The following EYA4 variants were observed in gnomAD, a reference collection of about 807,000 sequenced individuals.
The protein encoded by EYA4 is EYA transcriptional coactivator and phosphatase 4.
A neutral mutation model predicts 87.9 loss-of-function variants in EYA4; 31 were observed. The observed-to-expected ratio is 0.35, with a 90% CI of 0.27 to 0.48. The LOEUF (loss-of-function observed/expected upper bound fraction) is 0.48. EYA4 is among the 20% of genes least tolerant of loss of function. The pLI is 0.99. For synonymous variants in EYA4, 263 were observed against 270.6 expected (o/e 0.97, Z 0.28); for missense variants, 678 against 761.4 (o/e 0.89, Z 1.29).
intron 13 of EYA4, among the ~76,000 whole-genome samples, chr6:133,495,349 G>A (rs1002318194): frequency 1.4e-5 from 2 of 139,942 alleles, no homozygotes; most frequent in South Asian, 4.4e-4. Flanking sequence ...ATACTACAGA[G>A]ATATATTTAT....
Position 133,383,517 on chromosome 6 carries a change from C to CAAAAAAAAAAAA in EYA4, c.83+1093_83+1104dup, listed in dbSNP as rs768724484. Among the ~76,000 whole-genome samples the CAAAAAAAAAAAA allele has an allele frequency of 2.3e-3, 102 of 45,236 alleles. 12 individuals carry two copies. The highest frequency in any genetic ancestry group is 3.5e-3 in the African/African-American group (39 of 11,208). 29.7% of individuals were successfully genotyped at this position (45,236 alleles called of 152,430 possible). A position where few individuals can be genotyped will look rare whatever the true frequency, so the allele number is the denominator to read the frequency against. Reference sequence around the variant, plus strand: ...TGGGCGACAGAGCGAGACTCCATCTCAAAAAAAAAAAAAAAAAAAAAAAAA... The same window carrying CAAAAAAAAAAAA: ...TGGGCGACAGAGCGAGACTCCATCTCAAAAAAAAAAAAAAAAAAAAAAAAAAAAAAAAAAAAA... On this transcript the variant is annotated intron_variant, in intron 3 of 19. Transcript: ENST00000355286.
At chr6:133,522,688 A>G (rs1414135322) in intron 17 of EYA4, among the ~76,000 whole-genome samples, 1 of 152,240 alleles carries the variant, frequency 6.6e-6, no homozygotes, top group African/African-American at 2.4e-5. Context: ...AATATCACAC[A>G]GTGCAAGTCA....
At chr6:133,385,440 T>TGTGTGTGTGTGA (rs1198712820) in intron 3 of EYA4, among the ~76,000 whole-genome samples, 3 of 103,968 alleles carry the variant, frequency 2.9e-5, no homozygotes, top group African/African-American at 6.9e-5. Flanking sequence ...TGTGTGTGTG[T>TGTGTGTGTGTGA]GAGAGAGAGA....
intron 3 of EYA4, among the ~76,000 whole-genome samples, chr6:133,405,794 G>A (rs1339529915): frequency 4.6e-5 from 7 of 152,104 alleles, no homozygotes; most frequent in Non-Finnish European, 1.0e-4. Context: ...ATGGGGGGAA[G>A]GGGGTGACAA....
chr6:133,292,393 G>A (rs1388176176), intron 2 of EYA4, among the ~76,000 whole-genome samples: 2 of 152,016 alleles, frequency 1.3e-5, no homozygotes, highest in Non-Finnish European at 2.9e-5. Context: ...TTTTATTCTT[G>A]CATAATTGTT....
intron 17 of EYA4, among the ~76,000 whole-genome samples, chr6:133,516,634 G>T (rs758079276): frequency 6.6e-6 from 1 of 151,446 alleles, no homozygotes; most frequent in Non-Finnish European, 1.5e-5. Context: ...TGAGGCAGGA[G>T]AGTTGCTTGA....
chr6:133,387,224 A>T (rs1381420333), intron 3 of EYA4, among the ~76,000 whole-genome samples: 2 of 152,200 alleles, frequency 1.3e-5, no homozygotes. Flanking sequence ...ATACATAGTT[A>T]TTTGCTAGTA....
intron 3 of EYA4, chr6:133,435,610 C>G (rs1054826322): frequency 1.3e-5 from 2 of 152,166 alleles, no homozygotes; most frequent in African/African-American, 4.8e-5. Context: ...CAAGTTGTGA[C>G]AAGTGGTTTT....
intron 2 of EYA4, among the ~76,000 whole-genome samples, chr6:133,292,328 G>A (rs142031746): frequency 7.2e-4 from 109 of 152,204 alleles, no homozygotes; most frequent in African/African-American, 2.3e-3. Flanking sequence ...CACCAATTGC[G>A]TCTGGTTTAA....
At position 133,351,325 on chromosome 6, in the gene EYA4, A is replaced by G. The variant is rs138352118; in HGVS notation, c.34-31067A>G. Among the ~76,000 whole-genome samples, 1,208 of 152,298 alleles carry G rather than the reference A, an allele frequency of 7.9e-3. 12 individuals are homozygous for G. Among genetic ancestry groups the G allele is most frequent in the Non-Finnish European group, 0.014 (957 of 68,018 alleles). ...AGCTCCCTGTAAACTGCATATTGTT[A>G]AGATTACAGCTTATTAATTGGCCCT... is the stretch of plus-strand genomic sequence containing the variant. On this transcript the variant is annotated intron_variant, in intron 2 of 19. Coordinates refer to ENST00000355286, the MANE Select transcript of EYA4 (RefSeq NM_004100.5).
chr6:133,479,827 A>AT (rs1404485680), intron 11 of EYA4, among the ~76,000 whole-genome samples: 5 of 152,218 alleles, frequency 3.3e-5, no homozygotes, highest in Admixed American at 1.3e-4. Context: ...TCAACTTGTT[A>AT]TACTGTATCT....
At position 133,475,983 on chromosome 6, in the gene EYA4, T is replaced by G. The variant is rs115841041; in HGVS notation, c.971-5480T>G. Among the ~76,000 whole-genome samples, 344 of 152,182 alleles carry G rather than the reference T, an allele frequency of 2.3e-3. 1 individual carries two copies. The highest frequency in any genetic ancestry group is 8.0e-3 in the African/African-American group (333 of 41,528). On this transcript the variant is annotated intron_variant, in intron 11 of 19. Coordinates refer to ENST00000355286, the MANE Select transcript of EYA4 (RefSeq NM_004100.5). The stretch of plus-strand genomic sequence containing the variant: ...TCTTTGGCCCTCCATCTCACAGAAA[T>G]TATATAATGCCCATGTGACTTTTAT...
At chr6:133,284,679 G>A (rs1457083218) in intron 2 of EYA4, among the ~76,000 whole-genome samples, 1 of 152,136 alleles carries the variant, frequency 6.6e-6, no homozygotes, top group Non-Finnish European at 1.5e-5. Context: ...ATGATACTGT[G>A]TAAGTTCTAT....
At chr6:133,305,317 T>G (rs999781687) in intron 2 of EYA4, among the ~76,000 whole-genome samples, 8 of 152,080 alleles carry the variant, frequency 5.3e-5, no homozygotes, top group African/African-American at 1.9e-4. Flanking sequence ...TAACATAATA[T>G]GTTTCATAAG....
intron 11 of EYA4, among the ~76,000 whole-genome samples, chr6:133,473,133 T>C (rs557348542): frequency 6.6e-6 from 1 of 152,220 alleles, no homozygotes; most frequent in South Asian, 2.1e-4. Flanking sequence ...CCTTCAGTTA[T>C]TTGCAAGATC....
chr6:133,296,732 G>A (rs1220174773), intron 2 of EYA4, among the ~76,000 whole-genome samples: 1 of 152,140 alleles, frequency 6.6e-6, no homozygotes, highest in Non-Finnish European at 1.5e-5. Context: ...ACGATTCCCA[G>A]CACATTTCTT....
At chr6:133,266,449 A>C (rs1289111405) in intron 1 of EYA4, among the ~76,000 whole-genome samples, 1 of 152,154 alleles carries the variant, frequency 6.6e-6, no homozygotes, top group African/African-American at 2.4e-5. Flanking sequence ...TTCCTCCAGA[A>C]CTGTGAGAAT....
At chr6:133,527,212 TGGATGTAGC>T (rs1319907590) in intron 19 of EYA4, among the ~76,000 whole-genome samples, 1 of 152,218 alleles carries the variant, frequency 6.6e-6, no homozygotes, top group Non-Finnish European at 1.5e-5. Flanking sequence ...TGCTTTTCTT[TGGATGTAGC>T]GGTAATCGCA....
chr6:133,528,025 A>G (rs1800777131), intron 19 of EYA4, among the ~76,000 whole-genome samples: 1 of 152,164 alleles, frequency 6.6e-6, no homozygotes, highest in African/African-American at 2.4e-5. Flanking sequence ...GAAGGCCACA[A>G]ACCACTGTAA....
Sources: gnomAD v4.1 joint callset for allele counts (sites outside exome capture counted in the v4.1 genomes callset) on GRCh38, gnomAD v4.1.1 for gene constraint, MANE v1.5 for transcripts, NCBI Gene and HGNC (gene_info 2026-07-23, HGNC 2026-07-21) for gene names.